WDR77: variants seen among roughly 807,000 people sequenced by gnomAD.
WDR77 encodes the protein WD repeat domain 77.
Under a neutral mutation model 44.0 loss-of-function variants are expected in WDR77, and 31 were observed. The ratio of observed to expected loss-of-function variants is 0.70; its 90% CI spans 0.53 to 0.95. The LOEUF (loss-of-function observed/expected upper bound fraction) is 0.95. WDR77 is among the 40% of genes least tolerant of loss of function. The probability of loss-of-function intolerance (pLI) is 0.00; values close to 1 mark genes in which losing one functional copy is unlikely to be tolerated. For synonymous variants in WDR77, 186 were observed against 165.7 expected (o/e 1.12, Z -0.94); for missense variants, 390 against 423.9 (o/e 0.92, Z 0.70).
rs1395115350 is a variant in WDR77, at chr1:111,447,459, G to C, written c.419C>G (p.Ala140Gly). ...TVSVLSSGTQ[A>G]VSGSKDICIK... Reference sequence around the variant, plus strand: ...CCAGATGTCTTTGCTACCACTGACAGCTTGTGTGCCAGAGCTCAAGACACT... The same window carrying C: ...CCAGATGTCTTTGCTACCACTGACACCTTGTGTGCCAGAGCTCAAGACACT... Residue 140 changes from alanine (A) to glycine (G), a missense_variant, in exon 3 of 10, where the codon GCT (alanine) becomes GGT (glycine). Ala to Gly is a moderately conservative substitution (Grantham distance 60). Transcript: ENST00000235090. 2 of 1,614,170 alleles carry C rather than the reference G, an allele frequency of 1.2e-6. No individual in the cohort carries two copies. The highest frequency in any genetic ancestry group is 1.7e-6 in the Non-Finnish European group (2 of 1,180,034).
intron 4 of WDR77, among the ~76,000 whole-genome samples, chr1:111,446,625 G>T (rs1214284550): frequency 6.6e-6 from 1 of 152,196 alleles, no homozygotes; most frequent in East Asian, 1.9e-4. Flanking sequence ...GTAAGGTAAA[G>T]CCTGAAAGTG....
Position 111,441,358 on chromosome 1 carries a change from T to C in WDR77, c.901A>G (p.Arg301Gly). The part of the protein sequence containing the change: ...FRSQAHRDFV[R>G]DATWSPLNHS... Reference sequence around the variant, plus strand: ...TTGAGCGGGGACCAAGTCGCATCTCTCACAAAGTCTCTGTGGGCTTGGCTT... The same window carrying C: ...TTGAGCGGGGACCAAGTCGCATCTCCCACAAAGTCTCTGTGGGCTTGGCTT... The change falls in exon 10 of 10, where the codon AGA becomes GGA. Residue 301 changes from arginine to glycine, a missense_variant. Physicochemically the swap from Arg to Gly is moderately radical, Grantham distance 125. Coordinates refer to ENST00000235090, the MANE Select transcript of WDR77 (RefSeq NM_024102.4). The C allele has an allele frequency of 6.4e-7, 1 of 1,556,888 alleles. No homozygotes were observed.
intron 8 of WDR77, 23 bp downstream of exon 8, chr1:111,442,630 C>T: frequency 1.3e-6 from 2 of 1,485,864 alleles, no homozygotes; most frequent in African/African-American, 2.8e-5. Flanking sequence ...ACCCATCAGG[C>T]CCCTGATGAC....
rs201411956 is a variant in WDR77 at position 111,441,725 on chromosome 1, G to A, written c.869+300C>T. 1.2e-4 allele frequency: 83 copies of A among 671,774 alleles called. No individual in the cohort carries two copies. The East Asian group carries it at 2.8e-3, about 22-fold the overall frequency. The allele number at this position is 671,774 out of a possible 1,614,324, so 41.6% of individuals were successfully genotyped here. A position where few individuals can be genotyped will look rare whatever the true frequency, so the allele number is the denominator to read the frequency against. On this transcript the variant is annotated intron_variant, in intron 9 of 9. Coordinates refer to ENST00000235090, the MANE Select transcript of WDR77 (RefSeq NM_024102.4). ...CCCTGTAGCAGGCTGCATTTCATAC[G>A]CAGTTCTTTATGTGAGAGGGTAGAC...
intron 8 of WDR77, 97 bp downstream of exon 8, chr1:111,442,556 A>G: frequency 1.0e-5 from 8 of 788,046 alleles, no homozygotes; most frequent in Non-Finnish European, 1.5e-5. Flanking sequence ...GTCTGCTTTA[A>G]GGAACTACTT....
Position 111,441,015 on chromosome 1 carries a change from G to T in WDR77, c.*215C>A. Reference sequence around the variant, plus strand: ...TATAAATCTACACACACACTCACACGCACATACATGTCCATTTTTAAGAAA... The same window carrying T: ...TATAAATCTACACACACACTCACACTCACATACATGTCCATTTTTAAGAAA... On this transcript the variant is annotated 3_prime_UTR_variant, in exon 10 of 10. Coordinates refer to ENST00000235090, the MANE Select transcript of WDR77 (RefSeq NM_024102.4). The T allele has an allele frequency of 2.6e-6, 1 of 381,308 alleles. No homozygotes were observed. The highest frequency in any genetic ancestry group is 1.3e-4 in the South Asian group (1 of 7,862). The allele number at this position is 381,308 out of a possible 1,614,324, so 23.6% of individuals were successfully genotyped here.
In WDR77 at chr1:111,441,265, GA is replaced by G. The variant is rs756857746; in HGVS notation, c.993del (p.Leu332SerfsTer23). On this transcript the variant is annotated frameshift_variant, in exon 10 of 10. Coordinates refer to ENST00000235090, the MANE Select transcript of WDR77 (RefSeq NM_024102.4). LOFTEE classifies it high-confidence loss of function. ...QVVHHVVPTE[P>X]LPAPGPASVT... ...ACACTTGCAGGTCCAGGGGCTGGGA[GA>G]GGTTCTGTGGGCACAACGTGGTGGA... 6.3e-7 allele frequency: 1 copy of G among 1,578,422 alleles called. No individual in the cohort carries two copies. The highest frequency in any genetic ancestry group is 8.6e-7 in the Non-Finnish European group (1 of 1,161,734).
Position 111,449,119 on chromosome 1 carries a change from C to A in WDR77, c.51G>T (p.Trp17Cys). 6.2e-7 allele frequency: 1 copy of A among 1,603,174 alleles called. No individual in the cohort carries two copies. The highest frequency in any genetic ancestry group is 8.5e-7 in the Non-Finnish European group (1 of 1,176,958). ...AGGCGGGCGCATTTGGGGGAAGATTCCACTCCCGGGCCGCCGGGGGCACTA... is the reference window on the plus strand; with the variant it reads ...AGGCGGGCGCATTTGGGGGAAGATTACACTCCCGGGCCGCCGGGGGCACTA... ...PPLVPPAAREWNLPPNAPACM... is the reference protein window; with the variant it reads ...PPLVPPAARECNLPPNAPACM... Residue 17 changes from tryptophan (W) to cysteine (C), a missense_variant, in exon 1 of 10, where the codon TGG (tryptophan) becomes TGT (cysteine). Coordinates refer to ENST00000235090, the MANE Select transcript of WDR77 (RefSeq NM_024102.4).
chr1:111,443,376 T>C lies in WDR77; in HGVS notation c.638A>G (p.Tyr213Cys), dbSNP rs368829864. The C allele has an allele frequency of 7.7e-6, 12 of 1,552,308 alleles. No individual in the cohort carries two copies. Among genetic ancestry groups the C allele is most frequent in the Admixed American group, 5.9e-5 (3 of 51,062 alleles). The part of the protein sequence containing the change: ...ASQIGCSAPG[Y>C]LPTSLAWHPQ... ...ATGCCAAGCCAGCGAGGTAGGAAGG[T>C]AGCCAGGCGCACTGCAGCCTGCAAA... is the stretch of plus-strand genomic sequence containing the variant. Residue 213 changes from tyrosine (Y) to cysteine (C), a missense_variant, in exon 7 of 10, where the codon TAC (tyrosine) becomes TGC (cysteine). Transcript: ENST00000235090.
In WDR77 at chr1:111,441,304, C is replaced by T; in HGVS notation, c.955G>A (p.Asp319Asn). 7 of 1,587,368 alleles carry T rather than the reference C, an allele frequency of 4.4e-6. No homozygotes were observed. The highest frequency in any genetic ancestry group is 5.2e-6 in the Non-Finnish European group (6 of 1,164,704). The change falls in exon 10 of 10, where the codon GAC (aspartate) becomes AAC (asparagine). Residue 319 changes from aspartate (D) to asparagine (N), a missense_variant. Transcript: ENST00000235090. ...NHSLLTTVGW[D>N]HQVVHHVVPT... ...ACAACGTGGTGGACGACCTGATGGT[C>T]CCAGCCCACTGTGGTAAGCAGGGAG...
rs910187177 is a variant in WDR77 at position 111,443,322 on chromosome 1, CCAAAGA to C, written c.686_691del (p.Val229_Phe230del). 5.8e-6 allele frequency: 9 copies of C among 1,551,410 alleles called. No homozygotes were observed. In the Admixed American group the frequency reaches 1.8e-4, roughly 30 times the overall value. On this transcript the variant is annotated inframe_deletion and splice_region_variant, in exon 7 of 10. Coordinates refer to ENST00000235090, the MANE Select transcript of WDR77 (RefSeq NM_024102.4). ...ATATGAAGTCTGACACGCTGCCTTA[CCAAAGA>C]CAAAGACTTCACTTTGCTGAGGATG...
Position 111,443,319 on chromosome 1 carries a change from T to G in WDR77, c.691+4A>C. On this transcript the variant is annotated splice_donor_region_variant and intron_variant, in intron 7 of 9. Coordinates refer to ENST00000235090, the MANE Select transcript of WDR77 (RefSeq NM_024102.4). ...TCAATATGAAGTCTGACACGCTGCCTTACCAAAGACAAAGACTTCACTTTG... is the reference window on the plus strand; with the variant it reads ...TCAATATGAAGTCTGACACGCTGCCGTACCAAAGACAAAGACTTCACTTTG... 5.8e-6 allele frequency: 9 copies of G among 1,551,468 alleles called. No homozygotes were observed. The highest frequency in any genetic ancestry group is 6.1e-6 in the Non-Finnish European group (7 of 1,146,870).
rs995168204 is a variant in WDR77, at chr1:111,448,809, G to T, written c.116-5C>A. On this transcript the variant is annotated splice_region_variant and splice_polypyrimidine_tract_variant and intron_variant, in intron 1 of 9. Transcript: ENST00000235090. ...CCCCGAGGAGAAGCGCCCCATCTACGGGGGGTACAAGCTGTCAGCGCGTGA... is the reference window on the plus strand; with the variant it reads ...CCCCGAGGAGAAGCGCCCCATCTACTGGGGGTACAAGCTGTCAGCGCGTGA... 4 of 1,569,026 alleles carry T rather than the reference G, an allele frequency of 2.5e-6. No individual in the cohort carries two copies. The African/African-American group carries it at 4.1e-5, about 16-fold the overall frequency.
At chr1:111,442,350 C>A (rs1652850998) in intron 8 of WDR77, among the ~76,000 whole-genome samples, 1 of 152,218 alleles carries the variant, frequency 6.6e-6, no homozygotes, top group Admixed American at 6.5e-5. Flanking sequence ...AGCAATAACC[C>A]AGAAACACAG....
chr1:111,442,569 T>A, intron 8 of WDR77, 84 bp downstream of exon 8: 1 of 924,484 alleles, frequency 1.1e-6, no homozygotes, highest in Non-Finnish European at 1.5e-6. Context: ...AACTACTTCA[T>A]CAGCTAATGC....
chr1:111,445,935 A>C (rs563506592), intron 4 of WDR77, among the ~76,000 whole-genome samples: 366 of 152,102 alleles, frequency 2.4e-3, no homozygotes, highest in Admixed American at 4.4e-3. Flanking sequence ...CGCCTGGCTA[A>C]TTTTTGTACT....
chr1:111,447,616 T>C (rs762994225), intron 2 of WDR77, 40 bp from the exon 3 acceptor site: 2 of 1,609,368 alleles, frequency 1.2e-6, no homozygotes, highest in Admixed American at 1.7e-5. Context: ...GCTTGGATTA[T>C]ACCAAGGCAG....
chr1:111,440,054 T>A lies in WDR77; in HGVS notation c.*1176A>T, dbSNP rs1188970695. 6.6e-6 allele frequency: 1 copy of A among 152,644 alleles called. No homozygotes were observed. The highest frequency in any genetic ancestry group is 1.5e-5 in the Non-Finnish European group (1 of 68,042). The allele number at this position is 152,644 out of a possible 1,614,324, so 9.5% of individuals were successfully genotyped here. A position where few individuals can be genotyped will look rare whatever the true frequency, so the allele number is the denominator to read the frequency against. ...CTCAAAAGTACATAATTGATTATAT[T>A]TACTTTCAATATAATCAGTAATTGA... On this transcript the variant is annotated 3_prime_UTR_variant, in exon 10 of 10. Transcript: ENST00000235090.
intron 7 of WDR77, 84 bp from the exon 8 acceptor site, chr1:111,442,845 T>A: frequency 1.0e-6 from 1 of 956,724 alleles, no homozygotes; most frequent in Non-Finnish European, 1.5e-6. Flanking sequence ...CTCGAGCTTG[T>A]AAAAGTTAAC....
Sources: gnomAD v4.1 joint callset for allele counts (sites outside exome capture counted in the v4.1 genomes callset) on GRCh38, gnomAD v4.1.1 for gene constraint, MANE v1.5 for transcripts, NCBI Gene and HGNC (gene_info 2026-07-23, HGNC 2026-07-21) for gene names.